Variants in ENKUR observed in about 807,000 individuals in gnomAD.
ENKUR encodes the protein enkurin, TRPC channel interacting protein.
A neutral mutation model predicts 27.6 loss-of-function variants in ENKUR; 19 were observed. The observed-to-expected ratio is 0.69, with a 90% CI of 0.48 to 1.01. The LOEUF is 1.01. Among genes scored for constraint, ENKUR ranks in the 50% least tolerant of loss-of-function variants. The probability of loss-of-function intolerance (pLI) is 0.00; values close to 1 mark genes in which losing one functional copy is unlikely to be tolerated. For missense variants in ENKUR, 312 were observed against 310.5 expected (o/e 1.00, Z -0.04); for synonymous variants, 117 against 96.9 (o/e 1.21, Z -1.22).
At chr10:25,058,149 T>C (rs1373614651) in intron 2 of ENKUR, among the ~76,000 whole-genome samples, 2 of 152,046 alleles carry the variant, frequency 1.3e-5, no homozygotes, top group Admixed American at 6.5e-5. Flanking sequence ...CTTATGGCTA[T>C]TGTCACCTTC....
At chr10:25,053,463 C>T (rs74599598) in intron 2 of ENKUR, among the ~76,000 whole-genome samples, 3,544 of 152,190 alleles carry the variant, frequency 0.023, 157 homozygotes, top group African/African-American at 0.081. Flanking sequence ...TCCCAGCCTC[C>T]GGTAATCATT....
intron 2 of ENKUR, among the ~76,000 whole-genome samples, chr10:25,042,387 C>A (rs780867061): frequency 6.6e-6 from 1 of 151,776 alleles, no homozygotes; most frequent in East Asian, 1.9e-4. Context: ...CTCCGCCTCC[C>A]GGGTTCAAGC....
chr10:25,059,565 T>G (rs1325395313), intron 2 of ENKUR, among the ~76,000 whole-genome samples: 1 of 152,224 alleles, frequency 6.6e-6, no homozygotes, highest in Non-Finnish European at 1.5e-5. Context: ...CCCACCCATC[T>G]ATTTCATTCA....
intron 2 of ENKUR, among the ~76,000 whole-genome samples, chr10:25,046,673 A>T (rs1851125318): frequency 6.6e-6 from 1 of 152,162 alleles, no homozygotes; most frequent in African/African-American, 2.4e-5. Flanking sequence ...AAGCTCTATA[A>T]TTTTTCACTT....
At chr10:25,004,451 C>T (rs914214665) in intron 1 of ENKUR, among the ~76,000 whole-genome samples, 3 of 152,068 alleles carry the variant, frequency 2.0e-5, no homozygotes, top group African/African-American at 4.8e-5. Flanking sequence ...TGAATAATGG[C>T]CATTCTGATT....
chr10:25,003,169 A>ATTT (rs1850229221), intron 1 of ENKUR, among the ~76,000 whole-genome samples: 10 of 150,120 alleles, frequency 6.7e-5, no homozygotes, highest in East Asian at 2.0e-4. Context: ...TTAATTAATT[A>ATTT]ATTAATTAAT....
intron 4 of ENKUR, among the ~76,000 whole-genome samples, chr10:24,986,511 T>C (rs1384571655): frequency 6.6e-6 from 1 of 152,224 alleles, no homozygotes; most frequent in Non-Finnish European, 1.5e-5. Context: ...AGCCTTTCAT[T>C]ATGAAATGTG....
At position 25,061,139 on chromosome 10, in the gene ENKUR, C is replaced by T. The variant is rs1476780108; in HGVS notation, c.10G>A (p.Glu4Lys). The change falls in exon 2 of 6, where the codon GAG (glutamate) becomes AAG (lysine). Residue 4 changes from glutamate to lysine, a missense_variant. By Grantham distance (56) the Glu-to-Lys change is moderately conservative. Transcript: ENST00000615958. ...GGGGAGCCACCTCCAGTCACCCGCTCTGTCTTCATGCTCCGTGGTGAACAA... is the reference window on the plus strand; with the variant it reads ...GGGGAGCCACCTCCAGTCACCCGCTTTGTCTTCATGCTCCGTGGTGAACAA... The T allele has an allele frequency of 5.2e-6, 8 of 1,536,114 alleles. No homozygotes were observed. In the Admixed American group the frequency reaches 1.4e-4, roughly 26 times the overall value.
intron 2 of ENKUR, among the ~76,000 whole-genome samples, chr10:25,028,994 A>T (rs2132772754): frequency 6.6e-6 from 1 of 152,320 alleles, no homozygotes; most frequent in South Asian, 2.1e-4. Flanking sequence ...TCATCCATTC[A>T]GATGAATGAA....
chr10:25,026,509 C>T (rs1264967917), intron 2 of ENKUR: 4 of 166,976 alleles, frequency 2.4e-5, no homozygotes, highest in African/African-American at 9.6e-5. Flanking sequence ...TTGTTTATTT[C>T]TTCAGTGAAC....
At chr10:24,988,296 G>T (rs1849828743) in intron 4 of ENKUR, among the ~76,000 whole-genome samples, 1 of 139,258 alleles carries the variant, frequency 7.2e-6, no homozygotes, top group Admixed American at 7.3e-5. Flanking sequence ...ATTTATATAT[G>T]TATATATATT....
chr10:25,018,247 C>A (rs572444065), upstream of ENKUR, among the ~76,000 whole-genome samples: 185 of 152,260 alleles, frequency 1.2e-3, no homozygotes, highest in African/African-American at 4.3e-3. Flanking sequence ...TGCAATTCTC[C>A]TTGCCTTTTG....
chr10:25,023,636 A>G lies in ENKUR; in HGVS notation c.38-27767T>C, dbSNP rs1850769481. Reference sequence around the variant, plus strand: ...TCCCTTACTGGGTCCAATCCAATGCATGATGCTAGCATGTGGCATCTGAAG... The same window carrying G: ...TCCCTTACTGGGTCCAATCCAATGCGTGATGCTAGCATGTGGCATCTGAAG... On this transcript the variant is annotated intron_variant, in intron 2 of 5. Coordinates refer to the ENKUR transcript ENST00000615958. 1 of 1,614,228 alleles carries G rather than the reference A, an allele frequency of 6.2e-7. No homozygotes were observed. Among genetic ancestry groups the G allele is most frequent in the Non-Finnish European group, 8.5e-7 (1 of 1,180,036 alleles).
chr10:25,010,974 T>C, intron 1 of ENKUR, among the ~76,000 whole-genome samples: 1 of 151,460 alleles, frequency 6.6e-6, no homozygotes, highest in Non-Finnish European at 1.5e-5. Context: ...ATGGGATGGC[T>C]GGGTCAAATG....
chr10:25,032,317 G>C (rs181398686), intron 2 of ENKUR, among the ~76,000 whole-genome samples: 11 of 150,018 alleles, frequency 7.3e-5, no homozygotes, highest in East Asian at 3.9e-4. Flanking sequence ...GTAAAGAAGG[G>C]GGGGGGGCTA....
intron 2 of ENKUR, among the ~76,000 whole-genome samples, chr10:25,028,521 T>A (rs1850896439): frequency 1.3e-5 from 2 of 152,212 alleles, no homozygotes. Flanking sequence ...TTTCTTCAAC[T>A]TCTCCCCTTC....
Position 24,990,445 on chromosome 10 carries a change from A to G in ENKUR, c.594+18T>C. 1 of 1,599,336 alleles carries G rather than the reference A, an allele frequency of 6.3e-7. No individual in the cohort carries two copies. The highest frequency in any genetic ancestry group is 8.5e-7 in the Non-Finnish European group (1 of 1,176,072). On this transcript the variant is annotated intron_variant, in intron 4 of 5. Transcript: ENST00000331161. ...GATCCAAAGAGTTACAGATGAATGT[A>G]AATGGCAGAACACACACCTGCAAAA...
chr10:25,025,366 C>T (rs745649552), intron 2 of ENKUR: 10 of 1,614,030 alleles, frequency 6.2e-6, no homozygotes, highest in Non-Finnish European at 8.5e-6. Flanking sequence ...AACAAAACAG[C>T]AAGAGAAGAT....
At chr10:25,019,333 G>T (rs1483272514), upstream of ENKUR, among the ~76,000 whole-genome samples, 1 of 152,116 alleles carries the variant, frequency 6.6e-6, no homozygotes, top group Non-Finnish European at 1.5e-5. Context: ...AATTAGCTGG[G>T]TGTGGTGGTG....
Sources: gnomAD v4.1 joint callset for allele counts (sites outside exome capture counted in the v4.1 genomes callset) on GRCh38, gnomAD v4.1.1 for gene constraint, MANE v1.5 for transcripts, NCBI Gene and HGNC (gene_info 2026-07-23, HGNC 2026-07-21) for gene names.